Variants in SAMD3 observed in about 807,000 individuals in gnomAD.
SAMD3 encodes sterile alpha motif domain containing 3.
A neutral mutation model predicts 58.5 loss-of-function variants in SAMD3; 63 were observed. The observed-to-expected ratio is 1.08, with a 90% CI of 0.88 to 1.33. The LOEUF (loss-of-function observed/expected upper bound fraction) is 1.33. Among genes scored for constraint, SAMD3 ranks in the 40% most tolerant of loss-of-function variants. The pLI is 0.00. For synonymous variants in SAMD3, 220 were observed against 210.3 expected (o/e 1.05, Z -0.40); for missense variants, 604 against 608.4 (o/e 0.99, Z 0.08).
intron 8 of SAMD3, among the ~76,000 whole-genome samples, chr6:130,166,619 A>G (rs368480322): frequency 1.3e-5 from 2 of 152,358 alleles, no homozygotes; most frequent in East Asian, 3.9e-4. Flanking sequence ...ATAATAGAAG[A>G]AAGAATAAGG....
intron 4 of SAMD3, among the ~76,000 whole-genome samples, chr6:130,211,857 A>G (rs1795600231): frequency 6.6e-6 from 1 of 150,656 alleles, no homozygotes; most frequent in South Asian, 2.1e-4. Flanking sequence ...ACAGGCAATC[A>G]CTAGCCATTA....
Position 130,144,618 on chromosome 6 carries a change from T to G in SAMD3, c.1465A>C (p.Asn489His), listed in dbSNP as rs763337454. ...ECPRRLSQTF[N>H]FLETLIFDMH... ...TCGAAAATCAGCGTTTCTAGGAAGT[T>G]GAAAGTTTGGGACAGTCTTCTTGGA... The change falls in exon 12 of 12, where the codon AAC becomes CAC. Residue 489 changes from asparagine (N) to histidine (H), a missense_variant. Physicochemically the swap from Asn to His is moderately conservative, Grantham distance 68. Transcript: ENST00000439090. The G allele has an allele frequency of 6.2e-7, 1 of 1,614,146 alleles. No individual in the cohort carries two copies. The highest frequency in any genetic ancestry group is 1.7e-5 in the Admixed American group (1 of 60,018).
intron 2 of SAMD3, among the ~76,000 whole-genome samples, chr6:130,310,664 A>G (rs1370880762): frequency 6.6e-6 from 1 of 152,250 alleles, no homozygotes. Flanking sequence ...TCAAAATTAC[A>G]GTAAACGTGC....
At chr6:130,213,816 C>T (rs1234783287) in intron 4 of SAMD3, among the ~76,000 whole-genome samples, 2 of 152,060 alleles carry the variant, frequency 1.3e-5, no homozygotes, top group African/African-American at 4.8e-5. Flanking sequence ...GTGTTCATTA[C>T]TATAAGGACA....
intron 1 of SAMD3, among the ~76,000 whole-genome samples, chr6:130,341,811 C>T (rs370500371): frequency 1.3e-5 from 2 of 152,124 alleles, no homozygotes; most frequent in Non-Finnish European, 2.9e-5. Flanking sequence ...GACATTTCAC[C>T]GTGTCTTCCC....
At chr6:130,210,449 A>T (rs572572951) in intron 4 of SAMD3, among the ~76,000 whole-genome samples, 12 of 152,174 alleles carry the variant, frequency 7.9e-5, no homozygotes, top group Admixed American at 7.2e-4. Context: ...AAACACAAAA[A>T]TTAGCTGGAC....
intron 2 of SAMD3, among the ~76,000 whole-genome samples, chr6:130,264,924 C>T (rs1025660377): frequency 1.2e-4 from 19 of 152,092 alleles, no homozygotes; most frequent in Admixed American, 3.3e-4. Context: ...AGTGGCCTAT[C>T]TCTCAAAACA....
At chr6:130,266,164 GTT>G (rs1456860951) in intron 2 of SAMD3, among the ~76,000 whole-genome samples, 1 of 152,152 alleles carries the variant, frequency 6.6e-6, no homozygotes, top group African/African-American at 2.4e-5. Flanking sequence ...TTGAGGAAAA[GTT>G]TATAAACGCT....
chr6:130,286,332 G>A (rs549408633), intron 2 of SAMD3: 2 of 152,450 alleles, frequency 1.3e-5, no homozygotes, highest in African/African-American at 4.8e-5. Flanking sequence ...AAGGGAAAAG[G>A]AAAGATCAAG....
In SAMD3 at chr6:130,309,384, G is replaced by A. The variant is rs141239409; in HGVS notation, c.-188+3594C>T. Among the ~76,000 whole-genome samples, 1,258 of 152,304 alleles carry A rather than the reference G, an allele frequency of 8.3e-3. 12 individuals are homozygous for A. Among genetic ancestry groups the A allele is most frequent in the Non-Finnish European group, 0.012 (847 of 68,034 alleles). ...ATATCCCCCACTTCACAGGGCTTTTGTGGGAAGCAGATCAGATGGTATTAT... is the reference window on the plus strand; with the variant it reads ...ATATCCCCCACTTCACAGGGCTTTTATGGGAAGCAGATCAGATGGTATTAT... On this transcript the variant is annotated intron_variant, in intron 2 of 13. Transcript: ENST00000368134.
chr6:130,225,072 T>G (rs1467344623), upstream of SAMD3, among the ~76,000 whole-genome samples: 3 of 151,998 alleles, frequency 2.0e-5, no homozygotes, highest in African/African-American at 7.3e-5. Context: ...CAGAGAGCAG[T>G]ACTGAGCAAG....
intron 8 of SAMD3, among the ~76,000 whole-genome samples, chr6:130,164,592 C>T (rs1046441791): frequency 2.6e-5 from 4 of 152,172 alleles, no homozygotes; most frequent in African/African-American, 7.2e-5. Flanking sequence ...CTGCAACAGG[C>T]AAGATTACAC....
rs150465239 is a variant in SAMD3 at position 130,206,534 on chromosome 6, A to C, written c.383+2961T>G. On this transcript the variant is annotated intron_variant, in intron 5 of 11. Coordinates refer to ENST00000439090, the MANE Select transcript of SAMD3 (RefSeq NM_001017373.4). ...GATGCTGGGAAATGCTTTTCTCACA[A>C]TAAACTCCCTTTGTCTTTACTGTGA... is the stretch of plus-strand genomic sequence containing the variant. Among the ~76,000 whole-genome samples, 34 of 152,340 alleles carry C rather than the reference A, an allele frequency of 2.2e-4. No individual in the cohort carries two copies. In the East Asian group the frequency reaches 5.4e-3, roughly 24 times the overall value.
At position 130,180,953 on chromosome 6, in the gene SAMD3, C is replaced by CTTTCTTTTTTTTTTTTTTTT. The variant is rs56707260; in HGVS notation, c.654+3149_654+3150insAAAAAAAAAAAAAAAAGAAA. ...TTTTCTTTTTTCTTTTTCTTTCTTT[C>CTTTCTTTTTTTTTTTTTTTT]TTTTTTCTTTTGAGACGGAGTTCCG... On this transcript the variant is annotated intron_variant, in intron 7 of 11. Transcript: ENST00000439090. Among the ~76,000 whole-genome samples the CTTTCTTTTTTTTTTTTTTTT allele has an allele frequency of 1.7e-5, 2 of 117,360 alleles. 1 individual carries two copies. 77.0% of individuals were successfully genotyped at this position (117,360 alleles called of 152,430 possible).
chr6:130,311,436 C>A (rs1280315295), intron 2 of SAMD3, among the ~76,000 whole-genome samples: 8 of 152,040 alleles, frequency 5.3e-5, no homozygotes, highest in African/African-American at 1.9e-4. Flanking sequence ...TTCTGTGTGC[C>A]CATAGAGCAG....
intron 8 of SAMD3, chr6:130,162,318 C>T: frequency 1.4e-6 from 1 of 700,940 alleles, no homozygotes; most frequent in South Asian, 1.5e-5. Context: ...AGTTTGATTT[C>T]AACAGAAGAA....
chr6:130,361,196 T>C (rs9492560), intron 1 of SAMD3, among the ~76,000 whole-genome samples: 38,513 of 151,992 alleles, frequency 0.25, 6,145 homozygotes, highest in African/African-American at 0.45. Flanking sequence ...GTGATAAGTG[T>C]CCATGAAAAC....
intron 1 of SAMD3, among the ~76,000 whole-genome samples, chr6:130,340,874 T>A (rs538561391): frequency 6.6e-6 from 1 of 152,362 alleles, no homozygotes; most frequent in South Asian, 2.1e-4. Flanking sequence ...TGCTTCAGTC[T>A]TTTCTTAAAC....
chr6:130,149,757 G>A (rs960428307), intron 9 of SAMD3, among the ~76,000 whole-genome samples: 17 of 152,092 alleles, frequency 1.1e-4, no homozygotes, highest in African/African-American at 4.1e-4. Flanking sequence ...ACTACCTATC[G>A]GGTATTATGC....
Sources: allele counts gnomAD v4.1 joint callset (sites outside exome capture counted in the v4.1 genomes callset), GRCh38; gene constraint gnomAD v4.1.1; transcripts MANE v1.5; gene names NCBI Gene and HGNC (gene_info 2026-07-23, HGNC 2026-07-21).